The following ARHGAP8 variants were observed in gnomAD, a reference collection of about 807,000 sequenced individuals.
The protein encoded by ARHGAP8 is rho GTPase-activating protein 8.
A neutral mutation model predicts 46.1 loss-of-function variants in ARHGAP8; 62 were observed. The observed-to-expected ratio is 1.34, with a 90% CI of 1.10 to 1.66. The LOEUF (loss-of-function observed/expected upper bound fraction) is 1.66. Ranked by LOEUF, ARHGAP8 falls within the 40% of genes most tolerant of loss-of-function variation. The probability of loss-of-function intolerance (pLI) is 0.00; values close to 1 mark genes in which losing one functional copy is unlikely to be tolerated. For synonymous variants in ARHGAP8, 375 were observed against 243.1 expected (o/e 1.54, Z -5.05); for missense variants, 923 against 568.4 (o/e 1.62, Z -6.34).
chr22:44,816,880 CTTTCTTT>C (rs1929786143), intron 5 of ARHGAP8, among the ~76,000 whole-genome samples: 1 of 127,384 alleles, frequency 7.9e-6, no homozygotes. Context: ...TTCTTTCTTT[CTTTCTTT>C]TTTTTTTTTT....
At chr22:44,858,959 A>C (rs1201383501) in intron 10 of ARHGAP8, among the ~76,000 whole-genome samples, 1 of 151,768 alleles carries the variant, frequency 6.6e-6, no homozygotes, top group Non-Finnish European at 1.5e-5. Context: ...TGCCCTGATG[A>C]GGCAAAAGCA....
intron 7 of ARHGAP8, among the ~76,000 whole-genome samples, chr22:44,831,530 C>G (rs1200858380): frequency 7.9e-5 from 12 of 152,012 alleles, no homozygotes. Context: ...ACACCCATCT[C>G]TACTAATAAT....
chr22:44,857,973 C>A (rs2070281889), intron 10 of ARHGAP8, among the ~76,000 whole-genome samples: 1 of 152,050 alleles, frequency 6.6e-6, no homozygotes, highest in Admixed American at 6.6e-5. Context: ...GCACCAGTAC[C>A]CACTTGGGAC....
intron 7 of ARHGAP8, among the ~76,000 whole-genome samples, chr22:44,834,621 A>G (rs1931163532): frequency 6.6e-6 from 1 of 152,012 alleles, no homozygotes; most frequent in Non-Finnish European, 1.5e-5. Context: ...AATTAAGTCT[A>G]CTTGGTTTTT....
intron 1 of ARHGAP8, among the ~76,000 whole-genome samples, chr22:44,754,492 A>G (rs1250861681): frequency 6.6e-6 from 1 of 151,798 alleles, no homozygotes; most frequent in Non-Finnish European, 1.5e-5. Flanking sequence ...AGTAGCTAGG[A>G]TTACAGGCGC....
intron 1 of ARHGAP8, among the ~76,000 whole-genome samples, chr22:44,756,913 G>A (rs1924727533): frequency 6.6e-6 from 1 of 151,750 alleles, no homozygotes; most frequent in Non-Finnish European, 1.5e-5. Flanking sequence ...AAAACGATTA[G>A]CAACAATTTT....
intron 1 of ARHGAP8, chr22:44,765,270 TG>T (rs1602144055): frequency 6.6e-6 from 1 of 152,402 alleles, no homozygotes; most frequent in African/African-American, 2.4e-5. Flanking sequence ...GCTGTAGCTG[TG>T]TCCCTGTGCC....
At chr22:44,789,018 C>G (rs1569145765) in intron 2 of ARHGAP8, among the ~76,000 whole-genome samples, 1 of 152,216 alleles carries the variant, frequency 6.6e-6, no homozygotes, top group Non-Finnish European at 1.5e-5. Context: ...CATCCTTATG[C>G]ATATTCTGTC....
Position 44,814,010 on chromosome 22 carries a change from G to T in ARHGAP8, c.300-662G>T, listed in dbSNP as rs540747364. Among the ~76,000 whole-genome samples the T allele has an allele frequency of 1.2e-4, 18 of 152,272 alleles. No individual in the cohort carries two copies. In the South Asian group the frequency reaches 3.7e-3, roughly 32 times the overall value. On this transcript the variant is annotated intron_variant, in intron 4 of 11. Transcript: ENST00000356099. ...CTCCTGGGCTGTGTCTCCCCAGCAG[G>T]ACACACCGTCCCCCACTCACCCTCT...
rs536694996 is a variant in ARHGAP8 at position 44,831,614 on chromosome 22, G to A, written c.596+6021G>A. Among the ~76,000 whole-genome samples the A allele has an allele frequency of 5.3e-5, 8 of 152,234 alleles. No homozygotes were observed. The South Asian group carries it at 1.5e-3, about 28-fold the overall frequency. On this transcript the variant is annotated intron_variant, in intron 7 of 11. Coordinates refer to ENST00000356099, the MANE Select transcript of ARHGAP8 (RefSeq NM_181335.3). ...CTCCGGGGACTGAGACAGGAGAATCGCTTGAACCTGGGAGGCGGAGGTTGC... is the reference window on the plus strand; with the variant it reads ...CTCCGGGGACTGAGACAGGAGAATCACTTGAACCTGGGAGGCGGAGGTTGC...
At position 44,786,620 on chromosome 22, in the gene ARHGAP8, T is replaced by G. The variant is rs1446761700; in HGVS notation, c.79+14T>G. On this transcript the variant is annotated intron_variant, in intron 2 of 11. Transcript: ENST00000356099. The stretch of plus-strand genomic sequence containing the variant: ...TGCAGGTGGCAGGTAGGGCCCCAGC[T>G]GGGCAGTCTGCAGGACCATGGGCAG... 25 of 1,611,032 alleles carry G rather than the reference T, an allele frequency of 1.6e-5. No individual in the cohort carries two copies. The highest frequency in any genetic ancestry group is 2.0e-5 in the Non-Finnish European group (23 of 1,178,952).
intron 1 of ARHGAP8, among the ~76,000 whole-genome samples, chr22:44,763,491 C>CAAAA (rs370437700): frequency 1.9e-4 from 15 of 78,406 alleles, no homozygotes; most frequent in African/African-American, 5.6e-4. Context: ...GACTCTGTCT[C>CAAAA]AAAAAAAAAA....
intron 2 of ARHGAP8, among the ~76,000 whole-genome samples, chr22:44,792,475 G>C (rs1927763433): frequency 6.6e-6 from 1 of 152,138 alleles, no homozygotes. Context: ...ATGCACCTGA[G>C]TTTTCTGTGG....
rs191819359 is a variant in ARHGAP8 at position 44,821,256 on chromosome 22, C to T, written c.387-1115C>T. ...ACCATCCTGGCTAACATGTTGAAAC[C>T]CCGTCTCTACTAAAAATACAAAAAT... On this transcript the variant is annotated intron_variant, in intron 5 of 11. Coordinates refer to ENST00000356099, the MANE Select transcript of ARHGAP8 (RefSeq NM_181335.3). Among the ~76,000 whole-genome samples, 456 of 152,016 alleles carry T rather than the reference C, an allele frequency of 3.0e-3. 3 individuals are homozygous for T. Among genetic ancestry groups the T allele is most frequent in the African/African-American group, 0.011 (438 of 41,468 alleles).
intron 2 of ARHGAP8, among the ~76,000 whole-genome samples, chr22:44,793,579 T>C (rs1927861464): frequency 6.6e-6 from 1 of 152,208 alleles, no homozygotes; most frequent in South Asian, 2.1e-4. Flanking sequence ...AGATTGCTAC[T>C]GCCTTTATGA....
chr22:44,787,038 A>AAAC, intron 2 of ARHGAP8, among the ~76,000 whole-genome samples: 1 of 42,904 alleles, frequency 2.3e-5, no homozygotes, highest in Non-Finnish European at 6.5e-5. Flanking sequence ...TCAAAAAAAC[A>AAAC]AAAAAAAAAA....
intron 1 of ARHGAP8, among the ~76,000 whole-genome samples, chr22:44,774,411 C>G (rs1275918251): frequency 6.6e-6 from 1 of 152,016 alleles, no homozygotes. Flanking sequence ...ATAAGTTATC[C>G]AATCAACAAC....
chr22:44,833,766 A>G (rs1411669866), intron 7 of ARHGAP8, among the ~76,000 whole-genome samples: 1 of 152,196 alleles, frequency 6.6e-6, no homozygotes, highest in African/African-American at 2.4e-5. Context: ...AGAATTCACC[A>G]CTGAAGCCAT....
rs116294977 is a variant in ARHGAP8 at position 44,784,968 on chromosome 22, C to T, written c.-71-1489C>T. ...GAACAGGGGCCTTGGCCCCATCCCC[C>T]GCCCCATTCCTGCACAGAGTGGTGC... On this transcript the variant is annotated intron_variant, in intron 1 of 11. Coordinates refer to ENST00000356099, the MANE Select transcript of ARHGAP8 (RefSeq NM_181335.3). Among the ~76,000 whole-genome samples, 259 of 152,318 alleles carry T rather than the reference C, an allele frequency of 1.7e-3. 1 individual carries two copies. The highest frequency in any genetic ancestry group is 6.0e-3 in the African/African-American group (248 of 41,578).
Sources: gnomAD v4.1 joint callset for allele counts (sites outside exome capture counted in the v4.1 genomes callset) on GRCh38, gnomAD v4.1.1 for gene constraint, MANE v1.5 for transcripts, NCBI Gene and HGNC (gene_info 2026-07-23, HGNC 2026-07-21) for gene names.